Variants in DNAJC1 observed in about 807,000 individuals in gnomAD.
DNAJC1 encodes DnaJ heat shock protein family (Hsp40) member C1.
Under a neutral mutation model 76.6 loss-of-function variants are expected in DNAJC1, and 58 were observed. That is an observed-to-expected ratio of 0.76 (90% CI 0.61 to 0.94). The LOEUF is 0.94. Among genes scored for constraint, DNAJC1 ranks in the 40% least tolerant of loss-of-function variants. The probability of loss-of-function intolerance (pLI) is 0.00; values close to 1 mark genes in which losing one functional copy is unlikely to be tolerated. For synonymous variants in DNAJC1, 258 were observed against 267.9 expected, an observed-to-expected ratio of 0.96 and a Z score of 0.36; for missense variants, 689 against 677.3, an observed-to-expected ratio of 1.02 and a Z score of -0.19.
At chr10:21,886,032 T>A (rs1053762430) in intron 7 of DNAJC1, among the ~76,000 whole-genome samples, 2 of 151,714 alleles carry the variant, frequency 1.3e-5, no homozygotes, top group Non-Finnish European at 2.9e-5. Flanking sequence ...ATTCAAAAGA[T>A]AAACAAATCC....
intron 8 of DNAJC1, among the ~76,000 whole-genome samples, chr10:21,857,567 A>C (rs1835857132): frequency 6.6e-6 from 1 of 152,172 alleles, no homozygotes; most frequent in Non-Finnish European, 1.5e-5. Context: ...GGAAGATAGG[A>C]AGAAAAAAAG....
At chr10:21,890,996 G>A (rs899736448) in intron 7 of DNAJC1, among the ~76,000 whole-genome samples, 5 of 152,112 alleles carry the variant, frequency 3.3e-5, no homozygotes, top group Non-Finnish European at 4.4e-5. Flanking sequence ...TTCGAGTCCA[G>A]CCTGGTCAAC....
chr10:21,976,817 T>C (rs1391395063), intron 1 of DNAJC1, among the ~76,000 whole-genome samples: 1 of 152,182 alleles, frequency 6.6e-6, no homozygotes, highest in African/African-American at 2.4e-5. Flanking sequence ...CCTGTGGCCA[T>C]GTTAAAATCA....
At chr10:21,839,325 A>T (rs973035856) in intron 8 of DNAJC1, among the ~76,000 whole-genome samples, 3 of 152,206 alleles carry the variant, frequency 2.0e-5, no homozygotes, top group African/African-American at 7.2e-5. Context: ...GGTTTGTTGA[A>T]AAGATCAGCA....
intron 2 of DNAJC1, 25 bp downstream of exon 2, chr10:21,929,015 A>G: frequency 7.2e-7 from 1 of 1,393,370 alleles, no homozygotes; most frequent in Non-Finnish European, 1.0e-6. Flanking sequence ...CACAAAATAT[A>G]TATATAATAG....
At chr10:21,791,791 A>T (rs952436964) in intron 9 of DNAJC1, among the ~76,000 whole-genome samples, 1 of 152,154 alleles carries the variant, frequency 6.6e-6, no homozygotes, top group African/African-American at 2.4e-5. Context: ...ATTTCAAATA[A>T]ATAACCTAAT....
At chr10:21,907,607 T>C (rs1345263034) in intron 6 of DNAJC1, among the ~76,000 whole-genome samples, 1 of 152,068 alleles carries the variant, frequency 6.6e-6, no homozygotes, top group African/African-American at 2.4e-5. Context: ...ATACAATATC[T>C]CAAGGTTTAT....
chr10:21,932,269 G>C (rs1451450742), intron 1 of DNAJC1, among the ~76,000 whole-genome samples: 1 of 152,138 alleles, frequency 6.6e-6, no homozygotes, highest in Non-Finnish European at 1.5e-5. Context: ...GAGCCCAGGA[G>C]GTTGAGGCTG....
intron 8 of DNAJC1, among the ~76,000 whole-genome samples, chr10:21,844,272 T>G (rs899674335): frequency 6.6e-6 from 1 of 152,086 alleles, no homozygotes; most frequent in Non-Finnish European, 1.5e-5. Flanking sequence ...GGCTAATTTT[T>G]TTTTTTTGTA....
chr10:21,973,911 T>G (rs557438990), intron 1 of DNAJC1, among the ~76,000 whole-genome samples: 1 of 151,936 alleles, frequency 6.6e-6, no homozygotes, highest in Non-Finnish European at 1.5e-5. Flanking sequence ...GAGACCAGAC[T>G]GGGCAACATG....
chr10:21,830,353 A>C (rs1835336101), intron 8 of DNAJC1, among the ~76,000 whole-genome samples: 1 of 152,162 alleles, frequency 6.6e-6, no homozygotes, highest in Non-Finnish European at 1.5e-5. Context: ...CTTTCAACTA[A>C]TACTTTAACA....
Position 21,902,264 on chromosome 10 carries a change from A to G in DNAJC1, c.820+2258T>C, listed in dbSNP as rs138651446. ...GACTGTTACACATTTTCACTTTCAGATATTTATATGTTTTTTAGTTTGTGA... is the reference window on the plus strand; with the variant it reads ...GACTGTTACACATTTTCACTTTCAGGTATTTATATGTTTTTTAGTTTGTGA... On this transcript the variant is annotated intron_variant, in intron 7 of 11. Transcript: ENST00000376980. Among the ~76,000 whole-genome samples, 43 of 152,262 alleles carry G rather than the reference A, an allele frequency of 2.8e-4. No individual in the cohort carries two copies. In the East Asian group the frequency reaches 7.7e-3, roughly 27 times the overall value.
In DNAJC1 at chr10:21,790,692, A is replaced by C. The variant is rs1008396499; in HGVS notation, c.1098+15288T>G. 1.4e-4 allele frequency among the ~76,000 whole-genome samples: 21 copies of C among 152,192 alleles called. 1 individual carries two copies. Among genetic ancestry groups the C allele is most frequent in the Non-Finnish European group, 4.4e-5 (3 of 68,028 alleles). ...CAAAAAGATGATAATCACCATCATG[A>C]AAACACTCAAAAGTATAAAATTCAC... On this transcript the variant is annotated intron_variant, in intron 9 of 11. Transcript: ENST00000376980.
intron 1 of DNAJC1, chr10:21,933,274 A>G (rs566645954): frequency 2.0e-5 from 3 of 152,644 alleles, no homozygotes; most frequent in African/African-American, 7.2e-5. Context: ...CCGAAGCTGC[A>G]TGCTCGGTCC....
intron 8 of DNAJC1, among the ~76,000 whole-genome samples, chr10:21,865,052 G>T (rs2131702306): frequency 6.6e-6 from 1 of 152,224 alleles, no homozygotes; most frequent in Non-Finnish European, 1.5e-5. Context: ...TAAAATTAAA[G>T]AGGGTGATGA....
chr10:21,848,964 C>G (rs1390346335), intron 8 of DNAJC1, among the ~76,000 whole-genome samples: 1 of 152,058 alleles, frequency 6.6e-6, no homozygotes, highest in Non-Finnish European at 1.5e-5. Flanking sequence ...TGTATGAATA[C>G]AGTGAAAGCA....
At chr10:21,905,296 A>G (rs1400748420) in intron 6 of DNAJC1, among the ~76,000 whole-genome samples, 1 of 151,888 alleles carries the variant, frequency 6.6e-6, no homozygotes, top group Non-Finnish European at 1.5e-5. Flanking sequence ...AATGACATAC[A>G]TAAAAATAAA....
chr10:21,897,349 A>G (rs992303972), intron 7 of DNAJC1, among the ~76,000 whole-genome samples: 16 of 152,300 alleles, frequency 1.1e-4, no homozygotes, highest in Middle Eastern at 6.8e-3. Context: ...TCACATAATC[A>G]CAATTATTGA....
intron 9 of DNAJC1, among the ~76,000 whole-genome samples, chr10:21,782,727 G>A (rs1308486346): frequency 6.6e-6 from 1 of 152,132 alleles, no homozygotes; most frequent in Non-Finnish European, 1.5e-5. Flanking sequence ...TTCATCCCTG[G>A]GATGCAAGGC....
Sources: gnomAD v4.1 joint callset for allele counts (sites outside exome capture counted in the v4.1 genomes callset) on GRCh38, gnomAD v4.1.1 for gene constraint, MANE v1.5 for transcripts, NCBI Gene and HGNC (gene_info 2026-07-23, HGNC 2026-07-21) for gene names.